Variants in NBAS observed in about 807,000 individuals in gnomAD.
NBAS encodes the protein NBAS subunit of NRZ tethering complex, also known as NAG/BC035112 fusion.
A neutral mutation model predicts 302.5 loss-of-function variants in NBAS; 219 were observed. The ratio of observed to expected loss-of-function variants is 0.72; its 90% CI spans 0.65 to 0.81. The LOEUF (loss-of-function observed/expected upper bound fraction) is 0.81. Ranked by LOEUF, NBAS falls within the 30% of genes least tolerant of loss-of-function variation. The pLI is 0.00. For synonymous variants in NBAS, 1,118 were observed against 1,021.6 expected (o/e 1.09, Z -1.80); for missense variants, 2,932 against 2,841.6 (o/e 1.03, Z -0.72).
At chr2:15,444,235 A>T (rs1395110386) in intron 21 of NBAS, among the ~76,000 whole-genome samples, 1 of 152,058 alleles carries the variant, frequency 6.6e-6, no homozygotes, top group Non-Finnish European at 1.5e-5. Context: ...GAGGCATCAT[A>T]CTACCTGACT....
the NBAS span, among the ~76,000 whole-genome samples, chr2:14,849,757 G>A: frequency 1.4e-5 from 2 of 143,366 alleles, no homozygotes; most frequent in Non-Finnish European, 3.0e-5. Flanking sequence ...CAAGCCAGAA[G>A]AGAGTGGGGG....
At chr2:15,019,556 G>A in the NBAS span, among the ~76,000 whole-genome samples, 2 of 152,106 alleles carry the variant, frequency 1.3e-5, no homozygotes, top group Non-Finnish European at 2.9e-5. Context: ...TGTGGTCTGA[G>A]GGACCCTGTG....
chr2:15,166,038 C>T (rs995278256), downstream of NBAS, among the ~76,000 whole-genome samples: 5 of 152,116 alleles, frequency 3.3e-5, no homozygotes, highest in Non-Finnish European at 5.9e-5. Flanking sequence ...GCTGTGGCTT[C>T]GATAAGGTGT....
the NBAS span, among the ~76,000 whole-genome samples, chr2:15,082,016 C>G: frequency 6.6e-6 from 1 of 152,270 alleles, no homozygotes; most frequent in East Asian, 1.9e-4. Context: ...ATCTATCTAC[C>G]AGGGAAATTG....
chr2:15,103,322 A>G, the NBAS span, among the ~76,000 whole-genome samples: 1 of 152,078 alleles, frequency 6.6e-6, no homozygotes, highest in Non-Finnish European at 1.5e-5. Flanking sequence ...CACATTCAAC[A>G]CCATGGTTAT....
intron 44 of NBAS, among the ~76,000 whole-genome samples, chr2:15,254,133 A>C (rs575997865): frequency 1.1e-4 from 17 of 152,208 alleles, no homozygotes; most frequent in African/African-American, 4.1e-4. Flanking sequence ...TGGCCTTCTG[A>C]GATATCTATT....
At chr2:14,840,475 A>T in the NBAS span, among the ~76,000 whole-genome samples, 1 of 152,078 alleles carries the variant, frequency 6.6e-6, no homozygotes, top group Non-Finnish European at 1.5e-5. Flanking sequence ...AAAAGGCATA[A>T]GAAAATAAAA....
chr2:15,110,591 T>C, the NBAS span, among the ~76,000 whole-genome samples: 34 of 152,162 alleles, frequency 2.2e-4, no homozygotes, highest in African/African-American at 7.7e-4. Flanking sequence ...AGAATCTACA[T>C]GCCAAATAGT....
chr2:15,060,915 C>T, the NBAS span, among the ~76,000 whole-genome samples: 1 of 152,172 alleles, frequency 6.6e-6, no homozygotes, highest in African/African-American at 2.4e-5. Context: ...TCAGACACAA[C>T]ATAGGTGGCT....
intron 43 of NBAS, among the ~76,000 whole-genome samples, chr2:15,276,225 T>A (rs944959428): frequency 6.6e-6 from 1 of 152,204 alleles, no homozygotes; most frequent in Non-Finnish European, 1.5e-5. Flanking sequence ...TATTCCCTTA[T>A]CCTCTGTGTC....
At chr2:15,536,721 T>C (rs1349384483) in intron 7 of NBAS, among the ~76,000 whole-genome samples, 170 bp from the exon 8 acceptor site, 4 of 152,188 alleles carry the variant, frequency 2.6e-5, no homozygotes, top group Admixed American at 2.0e-4. Flanking sequence ...TGCCTAGAGC[T>C]AGACACCCAA....
the NBAS span, among the ~76,000 whole-genome samples, chr2:14,834,329 G>T: frequency 2.6e-5 from 4 of 152,112 alleles, no homozygotes; most frequent in Non-Finnish European, 5.9e-5. Context: ...ATATAATGCT[G>T]TGTAACACAT....
chr2:15,345,185 G>A (rs1015324331), intron 35 of NBAS, among the ~76,000 whole-genome samples: 1 of 152,118 alleles, frequency 6.6e-6, no homozygotes, highest in African/African-American at 2.4e-5. Context: ...AAGAAATAAA[G>A]GGTATTCAAA....
At chr2:15,105,794 C>T in the NBAS span, among the ~76,000 whole-genome samples, 8 of 152,098 alleles carry the variant, frequency 5.3e-5, no homozygotes, top group Non-Finnish European at 1.0e-4. Flanking sequence ...AACATGGCAA[C>T]GATTATCAAA....
chr2:15,193,954 G>A (rs2125148030), intron 48 of NBAS, among the ~76,000 whole-genome samples: 1 of 151,946 alleles, frequency 6.6e-6, no homozygotes, highest in South Asian at 2.1e-4. Flanking sequence ...GCCTGGAGTT[G>A]CAAGCCTAAA....
At chr2:15,457,252 T>G (rs1417213273) in intron 21 of NBAS, among the ~76,000 whole-genome samples, 3 of 152,218 alleles carry the variant, frequency 2.0e-5, no homozygotes, top group Non-Finnish European at 4.4e-5. Context: ...AAGTCACTAA[T>G]TGACTTGAAA....
chr2:14,967,062 T>C, the NBAS span, among the ~76,000 whole-genome samples: 2 of 152,164 alleles, frequency 1.3e-5, no homozygotes, highest in African/African-American at 2.4e-5. Context: ...GCGTAGAAAT[T>C]ATGAACTACT....
the NBAS span, among the ~76,000 whole-genome samples, chr2:14,902,377 C>T: frequency 2.0e-5 from 3 of 152,188 alleles, no homozygotes; most frequent in Non-Finnish European, 4.4e-5. Context: ...AGTGATCCAC[C>T]CTCCTTGGCC....
chr2:15,453,706 CA>C (rs1256035047), intron 21 of NBAS, among the ~76,000 whole-genome samples: 1 of 152,162 alleles, frequency 6.6e-6, no homozygotes, highest in East Asian at 1.9e-4. Flanking sequence ...TTTGAATCAT[CA>C]AATAACCTAA....
Sources: allele counts gnomAD v4.1 joint callset (sites outside exome capture counted in the v4.1 genomes callset), GRCh38; gene constraint gnomAD v4.1.1; transcripts MANE v1.5; gene names NCBI Gene and HGNC (gene_info 2026-07-23, HGNC 2026-07-21).